The following RIC1 variants were observed in gnomAD, a reference collection of about 807,000 sequenced individuals.
The protein encoded by RIC1 is guanine nucleotide exchange factor subunit RIC1.
RIC1 carries 88 observed loss-of-function variants against 169.0 expected under a neutral mutation model. That is an observed-to-expected ratio of 0.52 (90% confidence interval 0.44 to 0.62). The LOEUF is 0.62. RIC1 is among the 20% of genes least tolerant of loss of function. RIC1 has a pLI of 0.00. For synonymous variants in RIC1, 790 were observed against 601.5 expected, an observed-to-expected ratio of 1.31 and a Z score of -4.59; for missense variants, 1,877 against 1,725.5, an observed-to-expected ratio of 1.09 and a Z score of -1.56.
intron 7 of RIC1, among the ~76,000 whole-genome samples, chr9:5,737,974 G>T (rs1032832540): frequency 2.0e-5 from 3 of 152,036 alleles, no homozygotes; most frequent in Admixed American, 6.6e-5. Flanking sequence ...AGGTATGTCA[G>T]GTGTGGCAGA....
At chr9:5,738,816 G>A (rs1362646693) in intron 8 of RIC1, among the ~76,000 whole-genome samples, 1 of 151,842 alleles carries the variant, frequency 6.6e-6, no homozygotes, top group Non-Finnish European at 1.5e-5. Flanking sequence ...TCACTTCCAG[G>A]AACACCATAA....
intron 17 of RIC1, among the ~76,000 whole-genome samples, chr9:5,758,267 C>G (rs188627034): frequency 5.5e-4 from 84 of 152,288 alleles, no homozygotes; most frequent in Non-Finnish European, 1.0e-3. Context: ...CGTTGCATAA[C>G]TTTCTATTTC....
intron 6 of RIC1, among the ~76,000 whole-genome samples, chr9:5,726,811 G>A (rs1327891281): frequency 2.6e-5 from 4 of 152,140 alleles, no homozygotes; most frequent in Admixed American, 6.5e-5. Flanking sequence ...CTTCACTTAC[G>A]AAGCTTAGTT....
chr9:5,762,692 C>G, intron 18 of RIC1, 32 bp downstream of exon 18: 1 of 1,605,626 alleles, frequency 6.2e-7, no homozygotes, highest in Non-Finnish European at 8.5e-7. Context: ...TCTTTTCAAA[C>G]ATTAAGAAGG....
At chr9:5,647,133 G>C (rs768380621) in intron 1 of RIC1, among the ~76,000 whole-genome samples, 15 of 152,140 alleles carry the variant, frequency 9.9e-5, no homozygotes, top group Non-Finnish European at 1.9e-4. Flanking sequence ...TTATGCAAGA[G>C]TGTATTTCTG....
chr9:5,712,133 T>A (rs1030872825), intron 3 of RIC1, among the ~76,000 whole-genome samples: 10 of 152,304 alleles, frequency 6.6e-5, no homozygotes, highest in Admixed American at 6.5e-4. Context: ...TAGTTCTAGA[T>A]CCCTAAGGAA....
chr9:5,712,286 T>C (rs186413291), intron 3 of RIC1, among the ~76,000 whole-genome samples: 331 of 152,336 alleles, frequency 2.2e-3, no homozygotes, highest in African/African-American at 7.6e-3. Flanking sequence ...TGTGAGATGG[T>C]ATCTCATTGT....
Position 5,769,012 on chromosome 9 carries a change from C to T in RIC1, c.3180C>T (p.Asp1060=), listed in dbSNP as rs1287401136. The change falls in exon 22 of 26, where the codon GAC becomes GAT. Residue 1060 remains aspartate, a synonymous_variant. Coordinates refer to ENST00000414202, the MANE Select transcript of RIC1 (RefSeq NM_020829.4). ...DSDCAENMYI[D]MMLWRHARRL... is the part of the protein sequence containing the mutation. ...ACTGTGCTGAGAACATGTATATTGA[C>T]ATGATGCTCTGGAGACATGCTCGGC... is the stretch of plus-strand genomic sequence containing the variant. 6.2e-7 allele frequency: 1 copy of T among 1,613,784 alleles called. No homozygotes were observed. The highest frequency in any genetic ancestry group is 8.5e-7 in the Non-Finnish European group (1 of 1,179,854).
intron 2 of RIC1, among the ~76,000 whole-genome samples, chr9:5,682,029 C>T (rs897015979): frequency 6.6e-6 from 1 of 152,124 alleles, no homozygotes; most frequent in African/African-American, 2.4e-5. Context: ...TCCTCCATCC[C>T]TTTATTTTGA....
At chr9:5,765,270 T>G (rs1018422706) in intron 19 of RIC1, 144 bp from the exon 20 acceptor site, 2 of 799,494 alleles carry the variant, frequency 2.5e-6, no homozygotes, top group Non-Finnish European at 4.0e-6. Context: ...TTTCCTTGTA[T>G]GGTACTTTTT....
At position 5,768,976 on chromosome 9, in the gene RIC1, C is replaced by G. The variant is rs1827000841; in HGVS notation, c.3144C>G (p.Ser1048Arg). 2 of 1,605,364 alleles carry G rather than the reference C, an allele frequency of 1.2e-6. No homozygotes were observed. The change falls in exon 22 of 26, where the codon AGC becomes AGG. Residue 1048 changes from serine to arginine, a missense_variant. Ser to Arg is a moderately radical substitution (Grantham distance 110). Transcript: ENST00000414202. ...CTTGTGTTTCCACTTACAGATGGAG[C>G]AAAGACAGTGACTGTGCTGAGAACA... ...MPSGPSGKRW[S>R]KDSDCAENMY... is the part of the protein sequence containing the mutation.
intron 2 of RIC1, among the ~76,000 whole-genome samples, chr9:5,678,615 T>G (rs1483540953): frequency 6.6e-6 from 1 of 152,212 alleles, no homozygotes. Context: ...TGAGCATTTT[T>G]TCATGTGTTT....
intron 2 of RIC1, among the ~76,000 whole-genome samples, chr9:5,686,214 T>C (rs955537599): frequency 2.0e-4 from 30 of 151,654 alleles, no homozygotes; most frequent in African/African-American, 6.5e-4. Context: ...TGGAAGTCAG[T>C]GTGGCGATTC....
In RIC1 at chr9:5,763,895, C is replaced by G. The variant is rs537561230; in HGVS notation, c.2841+27C>G. 1.9e-6 allele frequency: 3 copies of G among 1,579,954 alleles called. No individual in the cohort carries two copies. The East Asian group carries it at 6.8e-5, about 36-fold the overall frequency. On this transcript the variant is annotated intron_variant, in intron 19 of 25. Transcript: ENST00000414202. The surrounding 1 kb of genome is among the most constrained non-coding windows in gnomAD (Gnocchi z 5.2). ...TAACAATTCTCTTCTTATAAAGGGG[C>G]AAGAATTAATGAGCTTAAACTTAGA...
chr9:5,754,884 A>AT lies in RIC1; in HGVS notation c.1650dup (p.Met551TyrfsTer7). On this transcript the variant is annotated frameshift_variant, in exon 15 of 26. Transcript: ENST00000414202. LOFTEE classifies it high-confidence loss of function. ...ACAGGTGGCTTAGCCTGGTGGAATG[A>AT]TTTTATGGTCCTTGCGTGTTATAAC... is the stretch of plus-strand genomic sequence containing the variant. 6.3e-7 allele frequency: 1 copy of AT among 1,581,416 alleles called. No homozygotes were observed. The highest frequency in any genetic ancestry group is 8.6e-7 in the Non-Finnish European group (1 of 1,158,972).
intron 2 of RIC1, among the ~76,000 whole-genome samples, chr9:5,680,279 C>G (rs1168612454): frequency 6.6e-6 from 1 of 152,188 alleles, no homozygotes; most frequent in Non-Finnish European, 1.5e-5. Context: ...CAATGTTCAT[C>G]AAGGATATTG....
rs529296634 is a variant in RIC1 at position 5,661,374 on chromosome 9, G to A, written c.252+4684G>A. ...GCTTTTTTCTAATTCCGTGAAGAAT[G>A]TCAGTGGTAGTTTAATGGGGATAGC... On this transcript the variant is annotated intron_variant, in intron 2 of 25. Coordinates refer to ENST00000414202, the MANE Select transcript of RIC1 (RefSeq NM_020829.4). Among the ~76,000 whole-genome samples the A allele has an allele frequency of 9.8e-5, 15 of 152,302 alleles. No homozygotes were observed. In the East Asian group the frequency reaches 2.7e-3, roughly 27 times the overall value.
chr9:5,716,974 C>T (rs1234866945), intron 4 of RIC1, among the ~76,000 whole-genome samples: 1 of 152,130 alleles, frequency 6.6e-6, no homozygotes, highest in African/African-American at 2.4e-5. Context: ...CCTGGCTCAG[C>T]CTTTGTTTTA....
chr9:5,744,340 A>G (rs1242547543), intron 10 of RIC1, among the ~76,000 whole-genome samples: 4 of 152,098 alleles, frequency 2.6e-5, no homozygotes, highest in Non-Finnish European at 5.9e-5. Context: ...ATCTGTATCT[A>G]TATATCTATA....
Sources: gnomAD v4.1 joint callset for allele counts (sites outside exome capture counted in the v4.1 genomes callset) on GRCh38, gnomAD v4.1.1 for gene constraint, Gnocchi (gnomAD v3.1) non-coding constraint, MANE v1.5 for transcripts, NCBI Gene and HGNC (gene_info 2026-07-23, HGNC 2026-07-21) for gene names.